The following APC variants were observed in gnomAD, a reference collection of about 807,000 sequenced individuals.
APC encodes APC regulator of Wnt signaling pathway, also known as adenomatous polyposis coli protein.
A neutral mutation model predicts 247.0 loss-of-function variants in APC; 72 were observed. That is an observed-to-expected ratio of 0.29 (90% CI 0.24 to 0.35). The LOEUF is 0.35. Among genes scored for constraint, APC ranks in the 10% least tolerant of loss-of-function variants. The pLI, the probability that APC is intolerant of heterozygous loss-of-function variation, is 1.00. For missense variants in APC, 3,400 were observed against 3,360.7 expected (o/e 1.01, Z -0.29); for synonymous variants, 1,254 against 1,162.5 (o/e 1.08, Z -1.60).
At chr5:112,769,822 C>T (rs988097759) in intron 4 of APC, among the ~76,000 whole-genome samples, 3 of 152,080 alleles carry the variant, frequency 2.0e-5, no homozygotes, top group African/African-American at 7.2e-5. Flanking sequence ...TCATATATGC[C>T]CATTTATAAA....
chr5:112,829,049 G>C (rs1472045622), intron 14 of APC, 77 bp downstream of exon 14: 14 of 1,005,422 alleles, frequency 1.4e-5, no homozygotes, highest in African/African-American at 1.6e-5. Flanking sequence ...TTAGCCATGA[G>C]ATTTCCTAAT....
intron 12 of APC, 123 bp from the exon 13 acceptor site, chr5:112,827,806 G>A (rs1170868702): frequency 1.3e-5 from 10 of 747,514 alleles, no homozygotes; most frequent in Non-Finnish European, 2.3e-5. Flanking sequence ...TTTTTTATGA[G>A]TGAAGTATCA....
At chr5:112,752,467 C>T (rs1165998380) in intron 1 of APC, among the ~76,000 whole-genome samples, 1 of 152,156 alleles carries the variant, frequency 6.6e-6, no homozygotes, top group Non-Finnish European at 1.5e-5. Flanking sequence ...CTACCCCACA[C>T]TTACAAGGTG....
rs770018276 is a variant in APC at position 112,838,327 on chromosome 5, A to T, written c.2733A>T (p.Glu911Asp). 5 of 1,614,214 alleles carry T rather than the reference A, an allele frequency of 3.1e-6. No homozygotes were observed. The East Asian group carries it at 1.1e-4, about 36-fold the overall frequency. ...QEDRSSGSTT[E>D]LHCVTDERNA... Reference sequence around the variant, plus strand: ...ACAGAAGTTCTGGGTCTACCACTGAATTACATTGTGTGACAGATGAGAGAA... The same window carrying T: ...ACAGAAGTTCTGGGTCTACCACTGATTTACATTGTGTGACAGATGAGAGAA... Residue 911 changes from glutamate (E) to aspartate (D), a missense_variant, in exon 16 of 16, where the codon GAA (glutamate) becomes GAT (aspartate). Glu to Asp is a conservative substitution (Grantham distance 45). Around this residue, in one of 9 missense-constraint regions of APC, gnomAD observed 715 missense variants for 656.6 expected, o/e 1.09. Transcript: ENST00000257430.
intron 1 of APC, among the ~76,000 whole-genome samples, chr5:112,721,621 T>C (rs1751488765): frequency 6.6e-6 from 1 of 152,054 alleles, no homozygotes; most frequent in Non-Finnish European, 1.5e-5. Flanking sequence ...CTGAGAGTGA[T>C]GGTGGGGGTA....
chr5:112,780,108 TCA>T (rs1396052389), intron 5 of APC, among the ~76,000 whole-genome samples: 4 of 152,226 alleles, frequency 2.6e-5, no homozygotes, highest in African/African-American at 9.6e-5. Context: ...TTGGCAGTTA[TCA>T]CAGTCCTTGG....
chr5:112,841,575 A>T lies in APC; in HGVS notation c.5981A>T (p.Asp1994Val), dbSNP rs774815653. The change falls in exon 16 of 16, where the codon GAC (aspartate) becomes GTC (valine). Residue 1994 changes from aspartate to valine, a missense_variant. By Grantham distance (152) the Asp-to-Val change is radical. This residue lies in a region of APC where 1,788 missense variants were observed against 1,649.5 expected (regional missense o/e 1.08). Coordinates refer to ENST00000257430, the MANE Select transcript of APC (RefSeq NM_000038.6). This position sits in a 1 kb window ranked among gnomAD's most constrained non-coding sequence, Gnocchi z 4.6. ...NEPIKETEPP[D>V]SQGEPSKPQA... The stretch of plus-strand genomic sequence containing the variant: ...CCTATCAAAGAGACTGAGCCCCCTG[A>T]CTCACAGGGAGAACCAAGTAAACCT... 19 of 1,613,762 alleles carry T rather than the reference A, an allele frequency of 1.2e-5. No individual in the cohort carries two copies. In the Admixed American group the frequency reaches 1.7e-4, roughly 14 times the overall value.
intron 1 of APC, among the ~76,000 whole-genome samples, chr5:112,739,231 A>C (rs184915907): frequency 6.6e-6 from 1 of 152,178 alleles, no homozygotes; most frequent in Admixed American, 6.5e-5. Flanking sequence ...AGTGTTTTTC[A>C]TTGAGCTTTT....
chr5:112,729,298 A>G (rs559870681), intron 1 of APC, among the ~76,000 whole-genome samples: 29 of 152,264 alleles, frequency 1.9e-4, no homozygotes, highest in Non-Finnish European at 3.8e-4. Context: ...TTAAATAAAT[A>G]CATAGATAGA....
chr5:112,839,119 G>A lies in APC; in HGVS notation c.3525G>A (p.Gln1175=), dbSNP rs1332394663. 3.7e-6 allele frequency: 6 copies of A among 1,614,068 alleles called. No homozygotes were observed. The highest frequency in any genetic ancestry group is 5.1e-6 in the Non-Finnish European group (6 of 1,180,024). ...ATGAAGAGAAACGTCATGTGGATCA[G>A]CCTATTGATTATAGTTTAAAATATG... ...KYNEEKRHVD[Q]PIDYSLKYAT... is the part of the protein sequence containing the mutation. The change falls in exon 16 of 16, where the codon CAG becomes CAA. Residue 1175 remains glutamine, a synonymous_variant. Transcript: ENST00000257430. The surrounding 1 kb of genome is among the most constrained non-coding windows in gnomAD (Gnocchi z 5.0).
chr5:112,774,078 A>G (rs1490764968), intron 4 of APC, among the ~76,000 whole-genome samples: 8 of 152,318 alleles, frequency 5.3e-5, no homozygotes, highest in East Asian at 1.9e-4. Context: ...TAAATGAGGT[A>G]TAGGTATAAG....
At chr5:112,803,250 G>T (rs1240158235) in intron 8 of APC, among the ~76,000 whole-genome samples, 1 of 152,136 alleles carries the variant, frequency 6.6e-6, no homozygotes, top group Non-Finnish European at 1.5e-5. Context: ...TGCCTGTTGT[G>T]AAGCTCATCA....
At chr5:112,760,036 T>C (rs1486477431) in intron 2 of APC, among the ~76,000 whole-genome samples, 1 of 152,180 alleles carries the variant, frequency 6.6e-6, no homozygotes, top group Non-Finnish European at 1.5e-5. Context: ...AGCTCTTTAT[T>C]AACTATAATT....
intron 5 of APC, 82 bp from the exon 6 acceptor site, chr5:112,780,708 A>G (rs1580378915): frequency 1.0e-6 from 1 of 955,390 alleles, no homozygotes; most frequent in Non-Finnish European, 1.6e-6. Context: ...CATTTTCTTT[A>G]TTGGTTCTTA....
chr5:112,838,645 T>C lies in APC; in HGVS notation c.3051T>C (p.Asn1017=), dbSNP rs1561581624. ...ATAGTGCAAATCATATGGATGATAA[T>C]GATGGAGAACTAGATACACCAATAA... is the stretch of plus-strand genomic sequence containing the variant. ...KIHSANHMDD[N]DGELDTPINY... Residue 1017 remains asparagine (N), a synonymous_variant, in exon 16 of 16, where the codon AAT becomes AAC. Coordinates refer to ENST00000257430, the MANE Select transcript of APC (RefSeq NM_000038.6). 1 of 1,614,124 alleles carries C rather than the reference T, an allele frequency of 6.2e-7. No homozygotes were observed. The highest frequency in any genetic ancestry group is 1.1e-5 in the South Asian group (1 of 91,086).
chr5:112,732,067 A>G (rs191000338), intron 1 of APC, among the ~76,000 whole-genome samples: 2 of 152,198 alleles, frequency 1.3e-5, no homozygotes, highest in Admixed American at 1.3e-4. Context: ...TGACCAGAAC[A>G]TTTTTCTATG....
chr5:112,835,075 G>A lies in APC; in HGVS notation c.1868G>A (p.Arg623Gln), dbSNP rs765557332. 6.2e-6 allele frequency: 10 copies of A among 1,613,970 alleles called. No homozygotes were observed. The highest frequency in any genetic ancestry group is 7.6e-6 in the Non-Finnish European group (9 of 1,180,004). The change falls in exon 15 of 16, where the codon CGG (arginine) becomes CAG (glutamine). Residue 623 changes from arginine (R) to glutamine (Q), a missense_variant. Physicochemically the swap from Arg to Gln is conservative, Grantham distance 43. Transcript: ENST00000257430. ...TTTTTGGTTGGCACTCTTACTTACC[G>A]GAGCCAGACAAACACTTTAGCCATT... is the stretch of plus-strand genomic sequence containing the variant. ...LAFLVGTLTY[R>Q]SQTNTLAIIE...
rs1561597836 is a variant in APC, at chr5:112,840,713, T to C, written c.5119T>C (p.Ser1707Pro). Residue 1707 changes from serine to proline, a missense_variant, in exon 16 of 16, where the codon TCT (serine) becomes CCT (proline). Physicochemically the swap from Ser to Pro is moderately conservative, Grantham distance 74. Transcript: ENST00000257430. This position sits in a 1 kb window ranked among gnomAD's most constrained non-coding sequence, Gnocchi z 4.1. The part of the protein sequence containing the change: ...TDEAQGGKTS[S>P]VTIPELDDNK... Reference sequence around the variant, plus strand: ...TGAGGCTCAAGGAGGAAAAACCTCATCTGTAACCATACCTGAATTGGATGA... The same window carrying C: ...TGAGGCTCAAGGAGGAAAAACCTCACCTGTAACCATACCTGAATTGGATGA... 1.9e-6 allele frequency: 3 copies of C among 1,614,112 alleles called. No individual in the cohort carries two copies. The highest frequency in any genetic ancestry group is 1.6e-4 in the Middle Eastern group (1 of 6,062).
intron 10 of APC, 76 bp downstream of exon 10, chr5:112,819,420 G>A: frequency 6.4e-7 from 1 of 1,561,254 alleles, no homozygotes. Flanking sequence ...AACATGTTTA[G>A]TTAATATGCT....
Sources: gnomAD v4.1 joint callset for allele counts (sites outside exome capture counted in the v4.1 genomes callset) on GRCh38, gnomAD v4.1.1 for gene constraint, gnomAD v4.1.1 regional missense constraint, Gnocchi (gnomAD v3.1) non-coding constraint, MANE v1.5 for transcripts, NCBI Gene and HGNC (gene_info 2026-07-23, HGNC 2026-07-21) for gene names.